The following TMEM266 variants were observed in gnomAD, a reference collection of about 807,000 sequenced individuals.
The protein encoded by TMEM266 is Hv1 related protein 1.
In TMEM266, 33 loss-of-function variants were observed where a neutral mutation model predicts 50.5. The ratio of observed to expected loss-of-function variants is 0.65; its 90% CI spans 0.50 to 0.87. The LOEUF is 0.87. Among genes scored for constraint, TMEM266 ranks in the 40% least tolerant of loss-of-function variants. The probability of loss-of-function intolerance (pLI) is 0.00; values close to 1 mark genes in which losing one functional copy is unlikely to be tolerated. For missense variants in TMEM266, 655 were observed against 695.1 expected (o/e 0.94, Z 0.65); for synonymous variants, 310 against 292.3 (o/e 1.06, Z -0.62).
chr15:76,160,123 G>C lies in TMEM266; in HGVS notation c.411G>C (p.Val137=). Reference sequence around the variant, plus strand: ...CCAGCGCATTCCAGTTTGCTGGCGTGATTCACTGGATCAGCCTGGTCATTC... The same window carrying C: ...CCAGCGCATTCCAGTTTGCTGGCGTCATTCACTGGATCAGCCTGGTCATTC... The change falls in exon 5 of 11, where the codon GTG becomes GTC. Residue 137 remains valine (V), a synonymous_variant. Coordinates refer to ENST00000388942, the MANE Select transcript of TMEM266 (RefSeq NM_152335.3). The surrounding 1 kb of genome is among the most constrained non-coding windows in gnomAD (Gnocchi z 5.7). 1 of 1,614,214 alleles carries C rather than the reference G, an allele frequency of 6.2e-7. No individual in the cohort carries two copies.
In TMEM266 at chr15:76,153,644, G is replaced by T. The variant is rs987063829; in HGVS notation, c.228-2960G>T. On this transcript the variant is annotated intron_variant, in intron 3 of 10. Transcript: ENST00000388942. This position sits in a 1 kb window ranked among gnomAD's most constrained non-coding sequence, Gnocchi z 4.2. ...GAGGGCAGGAGGGGAACCGGCTTCCGGGGGCGCTGAGGCGGCTGGAGGCTG... is the reference window on the plus strand; with the variant it reads ...GAGGGCAGGAGGGGAACCGGCTTCCTGGGGCGCTGAGGCGGCTGGAGGCTG... Among the ~76,000 whole-genome samples, 2 of 152,076 alleles carry T rather than the reference G, an allele frequency of 1.3e-5. No individual in the cohort carries two copies. Among genetic ancestry groups the T allele is most frequent in the African/African-American group, 2.4e-5 (1 of 41,404 alleles).
rs1329804664 is a variant in TMEM266 at position 76,148,084 on chromosome 15, G to C, written c.228-8520G>C. Among the ~76,000 whole-genome samples the C allele has an allele frequency of 3.9e-5, 6 of 152,368 alleles. No individual in the cohort carries two copies. In the East Asian group the frequency reaches 9.6e-4, roughly 24 times the overall value. The stretch of plus-strand genomic sequence containing the variant: ...CAAGGCGCAGGGTGTACAGCGGCGG[G>C]TGACCGCTAGATGGCGGCGGAGCGC... On this transcript the variant is annotated intron_variant, in intron 3 of 10. Transcript: ENST00000388942.
intron 9 of TMEM266, among the ~76,000 whole-genome samples, chr15:76,194,924 C>T (rs538035741): frequency 6.6e-6 from 1 of 152,292 alleles, no homozygotes; most frequent in South Asian, 2.1e-4. Context: ...CCATTCAACC[C>T]TTAAGAGGGG....
At chr15:76,184,696 C>T (rs975424855) in intron 8 of TMEM266, among the ~76,000 whole-genome samples, 1 of 152,176 alleles carries the variant, frequency 6.6e-6, no homozygotes, top group Admixed American at 6.5e-5. Context: ...CCATTAAAGG[C>T]GGAGAAGCGC....
chr15:76,116,296 G>A (rs753882310), intron 1 of TMEM266, among the ~76,000 whole-genome samples: 18 of 152,088 alleles, frequency 1.2e-4, no homozygotes, highest in Non-Finnish European at 2.1e-4. Context: ...TTGCTGGGCC[G>A]ATAAGGCTCC....
intron 8 of TMEM266, among the ~76,000 whole-genome samples, chr15:76,183,619 G>A (rs754382058): frequency 6.6e-5 from 10 of 152,176 alleles, no homozygotes; most frequent in Non-Finnish European, 1.5e-4. Context: ...TGCCCAAGAA[G>A]AAAACAGTCG....
intron 7 of TMEM266, among the ~76,000 whole-genome samples, chr15:76,171,935 C>A (rs1453671684): frequency 6.6e-6 from 1 of 152,114 alleles, no homozygotes; most frequent in Non-Finnish European, 1.5e-5. Context: ...TGGGGGGTGA[C>A]CCAGAGGATG....
At chr15:76,185,687 T>C (rs958561433) in intron 8 of TMEM266, among the ~76,000 whole-genome samples, 3 of 152,244 alleles carry the variant, frequency 2.0e-5, no homozygotes, top group Non-Finnish European at 4.4e-5. Flanking sequence ...CATGGTGTGC[T>C]ACACATCATT....
At chr15:76,158,079 T>A (rs1314562066) in intron 4 of TMEM266, among the ~76,000 whole-genome samples, 2 of 152,180 alleles carry the variant, frequency 1.3e-5, no homozygotes, top group African/African-American at 2.4e-5. Context: ...ATTGGCAAAA[T>A]CCAGGACTGT....
intron 1 of TMEM266, among the ~76,000 whole-genome samples, chr15:76,093,873 G>A (rs2036887800): frequency 6.6e-6 from 1 of 152,044 alleles, no homozygotes; most frequent in South Asian, 2.1e-4. Flanking sequence ...CAGTGATGAT[G>A]AGCATTTTTT....
intron 1 of TMEM266, among the ~76,000 whole-genome samples, chr15:76,082,611 G>A (rs2036711675): frequency 1.4e-5 from 2 of 145,416 alleles, no homozygotes. Context: ...GGCAGAAGGT[G>A]AAGGGGCGGC....
At chr15:76,178,177 A>G (rs2038325657) in intron 8 of TMEM266, among the ~76,000 whole-genome samples, 1 of 152,178 alleles carries the variant, frequency 6.6e-6, no homozygotes, top group Non-Finnish European at 1.5e-5. Flanking sequence ...GATTAAAAGC[A>G]GGACTGGGGG....
intron 1 of TMEM266, among the ~76,000 whole-genome samples, chr15:76,087,043 C>CT (rs2036787995): frequency 6.6e-6 from 1 of 152,088 alleles, no homozygotes; most frequent in African/African-American, 2.4e-5. Flanking sequence ...ATGAATTGGC[C>CT]TTAGGTTCCC....
chr15:76,203,975 CCT>C lies in TMEM266; in HGVS notation c.1259_1260del (p.Ser420Ter). On this transcript the variant is annotated frameshift_variant, in exon 11 of 11. Coordinates refer to ENST00000388942, the MANE Select transcript of TMEM266 (RefSeq NM_152335.3). LOFTEE classifies it high-confidence loss of function. ...TGCAGCACTGCCCGCGAGGAGCCGT[CCT>C]CTGAGCCCGGCCCTTCTCCCCCGCC... 6.2e-7 allele frequency: 1 copy of C among 1,610,402 alleles called. No individual in the cohort carries two copies. Among genetic ancestry groups the C allele is most frequent in the Non-Finnish European group, 8.5e-7 (1 of 1,177,356 alleles).
At chr15:76,110,925 A>G (rs1352486228) in intron 1 of TMEM266, among the ~76,000 whole-genome samples, 1 of 152,220 alleles carries the variant, frequency 6.6e-6, no homozygotes, top group Admixed American at 6.5e-5. Context: ...AATTAAAACA[A>G]CAACGGGATA....
At chr15:76,130,481 A>G (rs1301656033) in intron 1 of TMEM266, among the ~76,000 whole-genome samples, 1 of 152,226 alleles carries the variant, frequency 6.6e-6, no homozygotes, top group Non-Finnish European at 1.5e-5. Context: ...TAGGGGTTGC[A>G]GTGAGCCAAG....
chr15:76,128,836 T>C (rs979096724), intron 1 of TMEM266, among the ~76,000 whole-genome samples: 2 of 152,204 alleles, frequency 1.3e-5, no homozygotes, highest in Admixed American at 6.5e-5. Flanking sequence ...CTCCCATATC[T>C]CCTTTCCAGG....
At chr15:76,078,748 G>A (rs1278681117) in intron 1 of TMEM266, among the ~76,000 whole-genome samples, 5 of 152,146 alleles carry the variant, frequency 3.3e-5, no homozygotes, top group Non-Finnish European at 7.4e-5. Context: ...ACCTCAACTC[G>A]TGTATGAGTT....
At chr15:76,070,813 C>T (rs2036528205) in intron 1 of TMEM266, among the ~76,000 whole-genome samples, 1 of 152,144 alleles carries the variant, frequency 6.6e-6, no homozygotes, top group African/African-American at 2.4e-5. Flanking sequence ...GGGGACCTTG[C>T]CAGCCACCTA....
Sources: gnomAD v4.1 joint callset for allele counts (sites outside exome capture counted in the v4.1 genomes callset) on GRCh38, gnomAD v4.1.1 for gene constraint, Gnocchi (gnomAD v3.1) non-coding constraint, MANE v1.5 for transcripts, NCBI Gene and HGNC (gene_info 2026-07-23, HGNC 2026-07-21) for gene names.